Variants in KIF26B observed in about 807,000 individuals in gnomAD.
KIF26B encodes kinesin-like protein KIF26B.
In KIF26B, 63 loss-of-function variants were observed where a neutral mutation model predicts 151.2. That is an observed-to-expected ratio of 0.42 (90% CI 0.34 to 0.51). The LOEUF is 0.51. KIF26B is among the 20% of genes least tolerant of loss of function. The pLI is 0.07. For missense variants in KIF26B, 2,813 were observed against 2,913.6 expected (o/e 0.97, Z 0.79); for synonymous variants, 1,357 against 1,262.1 (o/e 1.08, Z -1.59).
At chr1:245,620,546 C>T (rs950528630) in intron 9 of KIF26B, among the ~76,000 whole-genome samples, 3 of 152,052 alleles carry the variant, frequency 2.0e-5, no homozygotes, top group African/African-American at 7.2e-5. Flanking sequence ...GCAACAGGTG[C>T]GCACCACCAT....
rs747566553 is a variant in KIF26B, at chr1:245,686,090, C to A, written c.3107C>A (p.Pro1036Gln). Residue 1036 changes from proline to glutamine, a missense_variant, in exon 12 of 15, where the codon CCA (proline) becomes CAA (glutamine). Pro to Gln is a moderately conservative substitution (Grantham distance 76). Around this residue, in one of 3 missense-constraint regions of KIF26B, gnomAD observed 2,060 missense variants for 2,088.6 expected, o/e 0.99. Transcript: ENST00000407071. The surrounding 1 kb of genome is among the most constrained non-coding windows in gnomAD (Gnocchi z 5.6). Reference sequence around the variant, plus strand: ...AGCAGTAGCCAGCACAGCGCCTCCCCACTCGTGCAGAGCCCCAGCCTCCAG... The same window carrying A: ...AGCAGTAGCCAGCACAGCGCCTCCCAACTCGTGCAGAGCCCCAGCCTCCAG... Reference protein sequence around the residue: ...PGSSSQHSASPLVQSPSLQSS... With the variant: ...PGSSSQHSASQLVQSPSLQSS... 1.4e-4 allele frequency: 219 copies of A among 1,604,560 alleles called. No individual in the cohort carries two copies. The highest frequency in any genetic ancestry group is 3.3e-4 in the Middle Eastern group (2 of 6,076).
At chr1:245,309,262 C>G (rs1256222935) in intron 2 of KIF26B, among the ~76,000 whole-genome samples, 1 of 152,062 alleles carries the variant, frequency 6.6e-6, no homozygotes, top group Non-Finnish European at 1.5e-5. Flanking sequence ...CCGCGGGATG[C>G]CCAGATATTT....
intron 2 of KIF26B, among the ~76,000 whole-genome samples, chr1:245,269,903 A>G (rs1435620139): frequency 6.6e-6 from 1 of 152,192 alleles, no homozygotes; most frequent in Non-Finnish European, 1.5e-5. Context: ...GATGCAGCGA[A>G]CATGGGAATG....
At chr1:245,534,701 CCATT>C (rs1301586160) in intron 4 of KIF26B, among the ~76,000 whole-genome samples, 2 of 151,896 alleles carry the variant, frequency 1.3e-5, no homozygotes, top group African/African-American at 4.8e-5. Context: ...ATAAAACAAC[CCATT>C]CATTTTTTCC....
Position 245,602,576 on chromosome 1 carries a change from G to A in KIF26B, c.1351-1G>A. The A allele has an allele frequency of 1.2e-6, 2 of 1,606,044 alleles. No homozygotes were observed. Among genetic ancestry groups the A allele is most frequent in the Non-Finnish European group, 1.7e-6 (2 of 1,175,736 alleles). On this transcript the variant is annotated splice_acceptor_variant, in intron 5 of 14. Transcript: ENST00000407071. LOFTEE classifies it high-confidence loss of function. This position sits in a 1 kb window ranked among gnomAD's most constrained non-coding sequence, Gnocchi z 4.5. ...TGCTGTCGCCCATCTTTTCTTAACA[G>A]GTGAAAGTCATGCTTCGCATCTGTT...
At chr1:245,271,690 C>T (rs1259147105) in intron 2 of KIF26B, among the ~76,000 whole-genome samples, 1 of 151,534 alleles carries the variant, frequency 6.6e-6, no homozygotes, top group Non-Finnish European at 1.5e-5. Flanking sequence ...ACCATCTTTG[C>T]ATCTCTGGGA....
In KIF26B at chr1:245,244,951, C is replaced by T. The variant is rs1019021550; in HGVS notation, c.465+88268C>T. 4.6e-5 allele frequency among the ~76,000 whole-genome samples: 7 copies of T among 152,092 alleles called. No homozygotes were observed. The highest frequency in any genetic ancestry group is 1.2e-4 in the African/African-American group (5 of 41,414). On this transcript the variant is annotated intron_variant, in intron 2 of 14. Transcript: ENST00000407071. This position sits in a 1 kb window ranked among gnomAD's most constrained non-coding sequence, Gnocchi z 4.2. ...AGATCACAAGTCAGAAGGGTGAAAT[C>T]GGCTGAAAAGAGGATGAAATGTTTT... is the stretch of plus-strand genomic sequence containing the variant.
chr1:245,529,340 T>C (rs1661309825), intron 4 of KIF26B, among the ~76,000 whole-genome samples: 1 of 152,154 alleles, frequency 6.6e-6, no homozygotes, highest in Non-Finnish European at 1.5e-5. Flanking sequence ...TCACCAACCC[T>C]GAAAAACCAC....
At chr1:245,162,214 A>G (rs779333158) in intron 2 of KIF26B, among the ~76,000 whole-genome samples, 8 of 152,128 alleles carry the variant, frequency 5.3e-5, no homozygotes, top group Admixed American at 3.3e-4. Flanking sequence ...GCAGGAATAC[A>G]AGACAAATTT....
At chr1:245,539,745 T>C (rs1572113461) in intron 4 of KIF26B, among the ~76,000 whole-genome samples, 1 of 152,244 alleles carries the variant, frequency 6.6e-6, no homozygotes. Flanking sequence ...CTCCGCCTCC[T>C]GGGTTCAAGC....
At chr1:245,443,081 G>A (rs34547165) in intron 4 of KIF26B, among the ~76,000 whole-genome samples, 1 of 119,212 alleles carries the variant, frequency 8.4e-6, no homozygotes, top group Non-Finnish European at 1.7e-5. Context: ...CACCTAGAGC[G>A]GTCATCTCCC....
At chr1:245,161,209 G>C (rs1486071165) in intron 2 of KIF26B, among the ~76,000 whole-genome samples, 1 of 152,162 alleles carries the variant, frequency 6.6e-6, no homozygotes, top group Non-Finnish European at 1.5e-5. Context: ...AAACATTTTG[G>C]GAGTTTATAA....
rs2042939781 is a variant in KIF26B, at chr1:245,560,796, C to T, written c.1350+19846C>T. Among the ~76,000 whole-genome samples the T allele has an allele frequency of 6.6e-6, 1 of 152,192 alleles. No individual in the cohort carries two copies. Among genetic ancestry groups the T allele is most frequent in the African/African-American group, 2.4e-5 (1 of 41,446 alleles). On this transcript the variant is annotated intron_variant, in intron 5 of 14. Transcript: ENST00000407071. The surrounding 1 kb of genome is among the most constrained non-coding windows in gnomAD (Gnocchi z 4.3). Reference sequence around the variant, plus strand: ...CGCTCCTCGCACTCTCATCACTGCCCCTCACTCTCTGTCCCCACAGCACAG... The same window carrying T: ...CGCTCCTCGCACTCTCATCACTGCCTCTCACTCTCTGTCCCCACAGCACAG...
chr1:245,320,392 G>A lies in KIF26B; in HGVS notation c.466-46442G>A, dbSNP rs146573622. The stretch of plus-strand genomic sequence containing the variant: ...ACAGAATTCCCATGTGCCGCCTCTC[G>A]TTCTCCTCAGTTTCCCCTGTTATTA... On this transcript the variant is annotated intron_variant, in intron 2 of 14. Transcript: ENST00000407071. 2.8e-4 allele frequency among the ~76,000 whole-genome samples: 42 copies of A among 152,268 alleles called. No homozygotes were observed. The East Asian group carries it at 4.8e-3, about 17-fold the overall frequency.
At chr1:245,249,254 G>A (rs573146208) in intron 2 of KIF26B, among the ~76,000 whole-genome samples, 2 of 152,012 alleles carry the variant, frequency 1.3e-5, no homozygotes, top group African/African-American at 4.8e-5. Context: ...GTGCCACCAT[G>A]CCTGGCTAAT....
At chr1:245,245,512 C>T (rs138218236) in intron 2 of KIF26B, among the ~76,000 whole-genome samples, 47 of 152,210 alleles carry the variant, frequency 3.1e-4, no homozygotes, top group Admixed American at 9.2e-4. Flanking sequence ...GCAGAGCGGC[C>T]GGGCGCAGTG....
rs931443969 is a variant in KIF26B, at chr1:245,399,229, G to A, written c.1000-20350G>A. Among the ~76,000 whole-genome samples, 5 of 152,098 alleles carry A rather than the reference G, an allele frequency of 3.3e-5. No homozygotes were observed. The East Asian group carries it at 9.6e-4, about 29-fold the overall frequency. Reference sequence around the variant, plus strand: ...CTGTCATCTTATTAGCTTATTCAAAGTTGTTAGAGGTATTTCTTATTTAGG... The same window carrying A: ...CTGTCATCTTATTAGCTTATTCAAAATTGTTAGAGGTATTTCTTATTTAGG... On this transcript the variant is annotated intron_variant, in intron 3 of 14. Coordinates refer to ENST00000407071, the MANE Select transcript of KIF26B (RefSeq NM_018012.4).
intron 2 of KIF26B, among the ~76,000 whole-genome samples, chr1:245,291,685 AATGGATG>A (rs1671254896): frequency 2.0e-5 from 3 of 151,996 alleles, no homozygotes; most frequent in Admixed American, 1.3e-4. Flanking sequence ...GAAACTACGA[AATGGATG>A]TTTGACTAGA....
At chr1:245,390,008 G>A (rs819882) in intron 3 of KIF26B, among the ~76,000 whole-genome samples, 66,421 of 151,956 alleles carry the variant, frequency 0.44, 15,932 homozygotes, top group South Asian at 0.64. Flanking sequence ...CTATTTTCAT[G>A]TAATACTCCG....
Sources: gnomAD v4.1 joint callset for allele counts (sites outside exome capture counted in the v4.1 genomes callset) on GRCh38, gnomAD v4.1.1 for gene constraint, gnomAD v4.1.1 regional missense constraint, Gnocchi (gnomAD v3.1) non-coding constraint, MANE v1.5 for transcripts, NCBI Gene and HGNC (gene_info 2026-07-23, HGNC 2026-07-21) for gene names.